MEF2A: variants seen among roughly 807,000 people sequenced by gnomAD.
MEF2A encodes the protein myocyte-specific enhancer factor 2A.
Under a neutral mutation model 55.8 loss-of-function variants are expected in MEF2A, and 28 were observed. The observed-to-expected ratio is 0.50, with a 90% confidence interval of 0.37 to 0.69. MEF2A has a LOEUF of 0.69. Among genes scored for constraint, MEF2A ranks in the 30% least tolerant of loss-of-function variants. The pLI is 0.00. For synonymous variants in MEF2A, 239 were observed against 227.1 expected (o/e 1.05, Z -0.47); for missense variants, 528 against 626.2 (o/e 0.84, Z 1.67).
intron 9 of MEF2A, among the ~76,000 whole-genome samples, chr15:99,706,328 C>A (rs537452527): frequency 5.3e-4 from 81 of 152,378 alleles, no homozygotes; most frequent in African/African-American, 1.9e-3. Flanking sequence ...TTCCTATACT[C>A]ATAGACGTAC....
chr15:99,698,271 A>C (rs992491847), intron 8 of MEF2A, among the ~76,000 whole-genome samples: 2 of 152,224 alleles, frequency 1.3e-5, no homozygotes, highest in Non-Finnish European at 2.9e-5. Flanking sequence ...TTTGCAAGTC[A>C]CATATCCAAT....
At chr15:99,684,236 G>A (rs1036784572) in intron 7 of MEF2A, among the ~76,000 whole-genome samples, 2 of 152,136 alleles carry the variant, frequency 1.3e-5, no homozygotes, top group African/African-American at 4.8e-5. Flanking sequence ...CCCAGTAGTG[G>A]GATTGCTAGA....
chr15:99,583,571 C>T (rs1441774250), intron 1 of MEF2A, among the ~76,000 whole-genome samples: 1 of 151,934 alleles, frequency 6.6e-6, no homozygotes, highest in Non-Finnish European at 1.5e-5. Context: ...TCACCATATG[C>T]CTGAGAAGGA....
rs370179153 is a variant in MEF2A, at chr15:99,678,646, A to G, written c.670+3188A>G. Reference sequence around the variant, plus strand: ...TGCTTCCCTAAAATTGGAATACTTCAGGCCCATGTACTGCTAAAAGAAGAG... The same window carrying G: ...TGCTTCCCTAAAATTGGAATACTTCGGGCCCATGTACTGCTAAAAGAAGAG... On this transcript the variant is annotated intron_variant, in intron 7 of 11. Coordinates refer to ENST00000557942, the MANE Select transcript of MEF2A (RefSeq NM_001319206.4). The G allele has an allele frequency of 1.8e-5, 18 of 984,824 alleles. No homozygotes were observed. The East Asian group carries it at 7.9e-4, about 43-fold the overall frequency. The allele number at this position is 984,824 out of a possible 1,614,324, so 61.0% of individuals were successfully genotyped here.
At chr15:99,686,946 G>A (rs1004206286) in intron 7 of MEF2A, among the ~76,000 whole-genome samples, 14 of 151,040 alleles carry the variant, frequency 9.3e-5, no homozygotes, top group African/African-American at 3.4e-4. Context: ...GTCTTTGTTC[G>A]ATTGGATTAA....
rs940597143 is a variant in MEF2A at position 99,576,701 on chromosome 15, C to T, written c.-225+10597C>T. On this transcript the variant is annotated intron_variant, in intron 1 of 11. Coordinates refer to ENST00000557942, the MANE Select transcript of MEF2A (RefSeq NM_001319206.4). Reference sequence around the variant, plus strand: ...TGTCACCCAGGCTGGAGTACAGTGGCGCAATCTTGGCTCACTGCAAGCTCC... The same window carrying T: ...TGTCACCCAGGCTGGAGTACAGTGGTGCAATCTTGGCTCACTGCAAGCTCC... Among the ~76,000 whole-genome samples the T allele has an allele frequency of 5.3e-5, 8 of 150,352 alleles. No individual in the cohort carries two copies. The South Asian group carries it at 6.3e-4, about 12-fold the overall frequency.
At chr15:99,635,727 T>G (rs141462695) in intron 3 of MEF2A, among the ~76,000 whole-genome samples, 1 of 152,168 alleles carries the variant, frequency 6.6e-6, no homozygotes, top group Non-Finnish European at 1.5e-5. Flanking sequence ...AATTTATCAG[T>G]GGTATTGTTG....
chr15:99,622,546 A>G (rs1006344213), intron 2 of MEF2A, among the ~76,000 whole-genome samples: 2 of 152,184 alleles, frequency 1.3e-5, no homozygotes, highest in South Asian at 2.1e-4. Context: ...GAAATTGTAC[A>G]TAAATTTTTT....
At chr15:99,623,160 T>C (rs954389544) in intron 2 of MEF2A, among the ~76,000 whole-genome samples, 12 of 152,240 alleles carry the variant, frequency 7.9e-5, no homozygotes, top group African/African-American at 2.9e-4. Context: ...CATTAGTAGA[T>C]TGGTCCTTTT....
intron 4 of MEF2A, among the ~76,000 whole-genome samples, chr15:99,655,486 G>A (rs1294100880): frequency 6.6e-6 from 1 of 152,124 alleles, no homozygotes; most frequent in African/African-American, 2.4e-5. Context: ...TATAGGCATT[G>A]GGCAGCCTTT....
intron 3 of MEF2A, 21 bp from the exon 4 acceptor site, chr15:99,645,540 T>C (rs1187885221): frequency 6.5e-7 from 1 of 1,546,104 alleles, no homozygotes; most frequent in Non-Finnish European, 8.9e-7. Context: ...TTAATAAAAA[T>C]ATACCTTTTT....
chr15:99,671,260 T>G, intron 4 of MEF2A, 63 bp from the exon 5 acceptor site: 1 of 1,556,728 alleles, frequency 6.4e-7, no homozygotes, highest in Non-Finnish European at 8.7e-7. Context: ...CTTAATAAAT[T>G]TTACAGAAAA....
rs370539645 is a variant in MEF2A at position 99,567,627 on chromosome 15, C to CTGTGTGTG, written c.-225+1553_-225+1560dup. ...TGTGCCTTTATGGCTTTTGTATGTA[C>CTGTGTGTG]TGTGTGTGTGTGTGTGTGTGTGTGT... On this transcript the variant is annotated intron_variant, in intron 1 of 11. Coordinates refer to ENST00000557942, the MANE Select transcript of MEF2A (RefSeq NM_001319206.4). Among the ~76,000 whole-genome samples, 628 of 143,862 alleles carry CTGTGTGTG rather than the reference C, an allele frequency of 4.4e-3. 5 individuals carry two copies. The highest frequency in any genetic ancestry group is 0.012 in the African/African-American group (452 of 39,060). The allele number at this position is 143,862 out of a possible 152,430, so 94.4% of individuals were successfully genotyped here.
intron 4 of MEF2A, among the ~76,000 whole-genome samples, chr15:99,662,936 T>A (rs1315016766): frequency 2.0e-5 from 3 of 152,238 alleles, no homozygotes; most frequent in Admixed American, 6.5e-5. Context: ...TTTAATTGAT[T>A]TAAATCAGTT....
At chr15:99,703,323 C>T in intron 8 of MEF2A, 39 bp from the exon 9 acceptor site, 1 of 1,609,054 alleles carries the variant, frequency 6.2e-7, no homozygotes, top group South Asian at 1.1e-5. Flanking sequence ...TACCAACAGT[C>T]TTAGTAACTC....
chr15:99,699,960 G>GTGTGTGTT (rs1183268893), intron 8 of MEF2A, among the ~76,000 whole-genome samples: 1,252 of 90,610 alleles, frequency 0.014, 13 homozygotes, highest in African/African-American at 0.036. Flanking sequence ...ATATGTGTGT[G>GTGTGTGTT]TGTGTGTGTG....
At chr15:99,663,801 C>G (rs552738595) in intron 4 of MEF2A, among the ~76,000 whole-genome samples, 9 of 152,124 alleles carry the variant, frequency 5.9e-5, no homozygotes, top group Admixed American at 2.6e-4. Context: ...TTGTTTTTGT[C>G]CTCTCAAGTA....
intron 4 of MEF2A, among the ~76,000 whole-genome samples, chr15:99,653,941 T>A (rs2047260339): frequency 6.6e-6 from 1 of 152,152 alleles, no homozygotes; most frequent in African/African-American, 2.4e-5. Flanking sequence ...TTTAAAAATG[T>A]TTATGCTCTG....
At chr15:99,595,988 TTGA>T (rs959328767) in intron 1 of MEF2A, among the ~76,000 whole-genome samples, 1 of 152,124 alleles carries the variant, frequency 6.6e-6, no homozygotes, top group African/African-American at 2.4e-5. Context: ...TGTATGAAAT[TTGA>T]TGATAACTGA....
Sources: allele counts gnomAD v4.1 joint callset (sites outside exome capture counted in the v4.1 genomes callset), GRCh38; gene constraint gnomAD v4.1.1; transcripts MANE v1.5; gene names NCBI Gene and HGNC (gene_info 2026-07-23, HGNC 2026-07-21).